Variants in HDAC9 observed in about 807,000 individuals in gnomAD.
The protein encoded by HDAC9 is histone deacetylase 9.
Under a neutral mutation model 139.4 loss-of-function variants are expected in HDAC9, and 41 were observed. The observed-to-expected ratio is 0.29, with a 90% CI of 0.23 to 0.38. The LOEUF (loss-of-function observed/expected upper bound fraction) is 0.38, where lower values mean the gene tolerates loss of function less well. HDAC9 is among the 10% of genes least tolerant of loss of function. HDAC9 has a pLI of 1.00. For missense variants in HDAC9, 1,147 were observed against 1,297.0 expected, an observed-to-expected ratio of 0.88 and a Z score of 1.78; for synonymous variants, 517 against 476.2, an observed-to-expected ratio of 1.09 and a Z score of -1.12.
chr7:18,707,074 C>A (rs117576395), intron 12 of HDAC9, among the ~76,000 whole-genome samples: 1 of 151,750 alleles, frequency 6.6e-6, no homozygotes, highest in Non-Finnish European at 1.5e-5. Flanking sequence ...AGGGGTGGAG[C>A]CCCAGAGAAG....
At chr7:18,476,904 A>G (rs1795153477) in intron 1 of HDAC9, among the ~76,000 whole-genome samples, 1 of 152,156 alleles carries the variant, frequency 6.6e-6, no homozygotes. Context: ...TCTGCTTTTT[A>G]AGTTTGCCCC....
At chr7:18,162,515 A>G (rs1787702713) in intron 2 of HDAC9, 2 of 627,432 alleles carry the variant, frequency 3.2e-6, no homozygotes, top group Non-Finnish European at 5.6e-6. Flanking sequence ...CTAATTCTCT[A>G]TTGCTTAACC....
At chr7:18,137,121 A>T (rs1213564372) in intron 1 of HDAC9, among the ~76,000 whole-genome samples, 1 of 146,702 alleles carries the variant, frequency 6.8e-6, no homozygotes, top group African/African-American at 2.6e-5. Context: ...TTATTGGTGT[A>T]TAGGAATGCT....
At chr7:18,755,670 G>A (rs564586103) in intron 14 of HDAC9, among the ~76,000 whole-genome samples, 2 of 151,986 alleles carry the variant, frequency 1.3e-5, no homozygotes, top group Non-Finnish European at 2.9e-5. Context: ...TTGCTTTCTG[G>A]TGAGGACAGT....
At chr7:18,834,553 A>G (rs1260710560) in intron 19 of HDAC9, among the ~76,000 whole-genome samples, 1 of 151,112 alleles carries the variant, frequency 6.6e-6, no homozygotes, top group African/African-American at 2.4e-5. Context: ...TGAGTGGGAA[A>G]GAGGACTGGT....
chr7:18,298,608 A>T (rs1798309089), intron 1 of HDAC9, among the ~76,000 whole-genome samples: 1 of 152,228 alleles, frequency 6.6e-6, no homozygotes, highest in African/African-American at 2.4e-5. Context: ...TACAAAGGAC[A>T]TGAACTCATC....
intron 2 of HDAC9, among the ~76,000 whole-genome samples, chr7:18,195,495 G>A (rs1025954466): frequency 6.6e-6 from 1 of 151,918 alleles, no homozygotes; most frequent in African/African-American, 2.4e-5. Context: ...AGTTTATGCT[G>A]CCAGATAAGT....
At chr7:18,178,597 A>G (rs1236924509) in intron 2 of HDAC9, among the ~76,000 whole-genome samples, 1 of 152,238 alleles carries the variant, frequency 6.6e-6, no homozygotes, top group Non-Finnish European at 1.5e-5. Flanking sequence ...CAATGCTTAT[A>G]AACCACCTCT....
chr7:18,600,720 A>T (rs539869384), intron 6 of HDAC9, among the ~76,000 whole-genome samples: 60 of 152,250 alleles, frequency 3.9e-4, no homozygotes, highest in African/African-American at 1.4e-3. Context: ...CAGTCCTCTT[A>T]ACTCTTCTTC....
chr7:18,629,322 A>ATT (rs67361882), intron 6 of HDAC9, 28 bp from the exon 7 acceptor site: 977 of 1,256,760 alleles, frequency 7.8e-4, no homozygotes, highest in South Asian at 2.9e-3. Flanking sequence ...ATTTTTATCT[A>ATT]TTTTTTTTTT....
At chr7:18,266,752 C>G (rs1796028805) in intron 2 of HDAC9, among the ~76,000 whole-genome samples, 1 of 152,090 alleles carries the variant, frequency 6.6e-6, no homozygotes, top group Non-Finnish European at 1.5e-5. Flanking sequence ...GCAGTTTTAC[C>G]TGCCATCACT....
intron 2 of HDAC9, among the ~76,000 whole-genome samples, chr7:18,175,082 C>T (rs748831787): frequency 9.9e-5 from 15 of 152,198 alleles, no homozygotes; most frequent in Non-Finnish European, 1.6e-4. Flanking sequence ...ACAGAGGCAG[C>T]GGGCCTTGCT....
intron 14 of HDAC9, among the ~76,000 whole-genome samples, chr7:18,752,188 G>A (rs1266506219): frequency 2.0e-5 from 3 of 152,102 alleles, no homozygotes; most frequent in Non-Finnish European, 4.4e-5. Context: ...TTAAGAATCA[G>A]AGTTGTTGAA....
intron 2 of HDAC9, among the ~76,000 whole-genome samples, chr7:18,580,047 C>T (rs1827296042): frequency 6.6e-6 from 1 of 152,086 alleles, no homozygotes; most frequent in African/African-American, 2.4e-5. Flanking sequence ...ATAGCAGCAT[C>T]TAAAGTGAAG....
intron 19 of HDAC9, among the ~76,000 whole-genome samples, chr7:18,834,013 A>C (rs1796047271): frequency 6.6e-6 from 1 of 152,204 alleles, no homozygotes; most frequent in African/African-American, 2.4e-5. Flanking sequence ...TGTAATTGTT[A>C]AGAGTTTGGC....
intron 1 of HDAC9, among the ~76,000 whole-genome samples, chr7:18,422,642 G>A (rs1789730757): frequency 6.6e-6 from 1 of 151,772 alleles, no homozygotes; most frequent in South Asian, 2.1e-4. Flanking sequence ...CTGGCAATAG[G>A]TCATGGGAAA....
intron 2 of HDAC9, among the ~76,000 whole-genome samples, chr7:18,522,133 T>A (rs1325266401): frequency 6.6e-6 from 1 of 152,068 alleles, no homozygotes; most frequent in Admixed American, 6.5e-5. Context: ...GAGAAATGTG[T>A]TATGCATATA....
chr7:18,601,524 A>G (rs1474325798), intron 6 of HDAC9, among the ~76,000 whole-genome samples: 1 of 152,062 alleles, frequency 6.6e-6, no homozygotes, highest in African/African-American at 2.4e-5. Context: ...GATGTCGAGC[A>G]GGAGAAGTAA....
intron 23 of HDAC9, among the ~76,000 whole-genome samples, chr7:18,938,202 G>A (rs1304719990): frequency 7.8e-6 from 1 of 127,916 alleles, no homozygotes; most frequent in Non-Finnish European, 1.6e-5. Context: ...CTGCACTCCA[G>A]CCTGGGCGAC....
Sources: gnomAD v4.1 joint callset for allele counts (sites outside exome capture counted in the v4.1 genomes callset) on GRCh38, gnomAD v4.1.1 for gene constraint, MANE v1.5 for transcripts, NCBI Gene and HGNC (gene_info 2026-07-23, HGNC 2026-07-21) for gene names.